The following NKAIN2 variants were observed in gnomAD, a reference collection of about 807,000 sequenced individuals.
The protein encoded by NKAIN2 is sodium/potassium-transporting ATPase subunit beta-1-interacting protein 2.
Under a neutral mutation model 32.6 loss-of-function variants are expected in NKAIN2, and 14 were observed. The observed-to-expected ratio is 0.43, with a 90% CI of 0.28 to 0.67. The LOEUF (loss-of-function observed/expected upper bound fraction) is 0.67, where lower values mean the gene tolerates loss of function less well. Ranked by LOEUF, NKAIN2 falls within the 30% of genes least tolerant of loss-of-function variation. The pLI is 0.17. For synonymous variants in NKAIN2, 80 were observed against 87.2 expected (o/e 0.92, Z 0.46); for missense variants, 198 against 258.3 (o/e 0.77, Z 1.60).
At chr6:124,488,494 T>C (rs1281514473) in intron 3 of NKAIN2, among the ~76,000 whole-genome samples, 1 of 152,070 alleles carries the variant, frequency 6.6e-6, no homozygotes, top group Non-Finnish European at 1.5e-5. Flanking sequence ...TTTGAGATTA[T>C]CCACCCATTT....
intron 1 of NKAIN2, among the ~76,000 whole-genome samples, chr6:123,999,818 T>C (rs1448464437): frequency 6.6e-6 from 1 of 152,086 alleles, no homozygotes; most frequent in Non-Finnish European, 1.5e-5. Context: ...AATGTCAGAA[T>C]ATTAGACTTA....
intron 1 of NKAIN2, among the ~76,000 whole-genome samples, chr6:124,229,509 T>TAGAC (rs1295669149): frequency 8.8e-5 from 13 of 147,710 alleles, no homozygotes; most frequent in Admixed American, 1.3e-4. Flanking sequence ...GACAGATAGA[T>TAGAC]AGATAGATAG....
chr6:124,121,092 G>T (rs958219951), intron 1 of NKAIN2, among the ~76,000 whole-genome samples: 1 of 152,030 alleles, frequency 6.6e-6, no homozygotes, highest in Non-Finnish European at 1.5e-5. Flanking sequence ...TTCTGCAAAC[G>T]GATAGAAATT....
At chr6:124,363,676 A>C (rs550876312) in intron 3 of NKAIN2, among the ~76,000 whole-genome samples, 26 of 152,340 alleles carry the variant, frequency 1.7e-4, no homozygotes, top group Admixed American at 1.7e-3. Flanking sequence ...AACCAAATAC[A>C]GACTGAAGAT....
intron 4 of NKAIN2, among the ~76,000 whole-genome samples, chr6:124,711,853 T>C (rs1379998468): frequency 2.0e-4 from 30 of 152,186 alleles, no homozygotes; most frequent in Non-Finnish European, 3.7e-4. Flanking sequence ...TTTGTTCCAT[T>C]GCTGGTGAGG....
chr6:124,099,724 G>A (rs867394129), intron 1 of NKAIN2, among the ~76,000 whole-genome samples: 9 of 152,244 alleles, frequency 5.9e-5, no homozygotes, highest in Middle Eastern at 3.4e-3. Flanking sequence ...GGATGGGTAG[G>A]GAGAGGTGCT....
intron 4 of NKAIN2, among the ~76,000 whole-genome samples, chr6:124,680,544 T>G (rs1295747808): frequency 6.6e-6 from 1 of 152,070 alleles, no homozygotes; most frequent in Non-Finnish European, 1.5e-5. Context: ...GGAACCAAAG[T>G]CTTAGATTTT....
chr6:123,831,955 A>G (rs753031067), intron 1 of NKAIN2, among the ~76,000 whole-genome samples: 3 of 152,110 alleles, frequency 2.0e-5, no homozygotes, highest in Non-Finnish European at 2.9e-5. Context: ...TGCCTGGCCT[A>G]TAGTTGTTGA....
chr6:124,114,141 T>G (rs1021628371), intron 1 of NKAIN2, among the ~76,000 whole-genome samples: 6 of 152,200 alleles, frequency 3.9e-5, no homozygotes, highest in African/African-American at 1.4e-4. Flanking sequence ...CTCTGCATTC[T>G]AGCTAACGTG....
At chr6:124,329,890 T>C (rs1253953014) in intron 2 of NKAIN2, among the ~76,000 whole-genome samples, 2 of 152,212 alleles carry the variant, frequency 1.3e-5, no homozygotes, top group East Asian at 3.9e-4. Context: ...CTATATGGCC[T>C]CAGTGACTGG....
At chr6:124,574,114 C>T (rs1321141140) in intron 3 of NKAIN2, among the ~76,000 whole-genome samples, 2 of 152,126 alleles carry the variant, frequency 1.3e-5, no homozygotes, top group African/African-American at 4.8e-5. Context: ...GTTGGACTCG[C>T]AGTGGCATGT....
At chr6:124,628,151 A>G (rs192918993) in intron 3 of NKAIN2, among the ~76,000 whole-genome samples, 55 of 152,222 alleles carry the variant, frequency 3.6e-4, no homozygotes, top group African/African-American at 1.3e-3. Context: ...TTTGTCCACA[A>G]TTCCCTCTTA....
intron 5 of NKAIN2, among the ~76,000 whole-genome samples, chr6:124,815,234 A>ATATATATATATATATG (rs1562400457): frequency 6.9e-6 from 1 of 144,886 alleles, no homozygotes; most frequent in East Asian, 2.0e-4. Flanking sequence ...ACATATATAT[A>ATATATATATATATATG]TATATATGTA....
At chr6:124,382,135 T>C (rs1772673170) in intron 3 of NKAIN2, among the ~76,000 whole-genome samples, 1 of 151,998 alleles carries the variant, frequency 6.6e-6, no homozygotes, top group African/African-American at 2.4e-5. Context: ...TTTGCATTCA[T>C]ATAAAACATG....
At chr6:123,990,868 T>C (rs1348218861) in intron 1 of NKAIN2, among the ~76,000 whole-genome samples, 1 of 152,208 alleles carries the variant, frequency 6.6e-6, no homozygotes, top group Non-Finnish European at 1.5e-5. Context: ...TTGGGTCATA[T>C]AGATTTTTGC....
At chr6:124,782,800 A>C (rs1779334413) in intron 4 of NKAIN2, among the ~76,000 whole-genome samples, 1 of 152,142 alleles carries the variant, frequency 6.6e-6, no homozygotes, top group Admixed American at 6.6e-5. Flanking sequence ...TAAAAATTAC[A>C]CTTTCTGCTT....
intron 1 of NKAIN2, among the ~76,000 whole-genome samples, chr6:124,012,568 T>C (rs1056661500): frequency 6.6e-6 from 1 of 152,090 alleles, no homozygotes; most frequent in Admixed American, 6.5e-5. Context: ...ACTCCTGACC[T>C]TGTGATCCGC....
At chr6:124,301,916 A>G (rs1321136273) in intron 2 of NKAIN2, among the ~76,000 whole-genome samples, 6 of 152,154 alleles carry the variant, frequency 3.9e-5, no homozygotes, top group Non-Finnish European at 7.3e-5. Context: ...AAATGAGTTA[A>G]CACTTTGGGG....
At chr6:124,243,265 C>T (rs1220874970) in intron 1 of NKAIN2, among the ~76,000 whole-genome samples, 6 of 151,884 alleles carry the variant, frequency 4.0e-5, no homozygotes, top group Non-Finnish European at 7.4e-5. Flanking sequence ...GAGGCCCAGG[C>T]AGATGTAACA....
Sources: allele counts gnomAD v4.1 joint callset (sites outside exome capture counted in the v4.1 genomes callset), GRCh38; gene constraint gnomAD v4.1.1; transcripts MANE v1.5; gene names NCBI Gene and HGNC (gene_info 2026-07-23, HGNC 2026-07-21).